The following TSNARE1 variants were observed in gnomAD, a reference collection of about 807,000 sequenced individuals.
The protein encoded by TSNARE1 is t-SNARE domain containing 1, also known as t-SNARE domain-containing protein 1.
TSNARE1 carries 49 observed loss-of-function variants against 62.0 expected under a neutral mutation model. That is an observed-to-expected ratio of 0.79 (90% confidence interval 0.63 to 1.00). The LOEUF (loss-of-function observed/expected upper bound fraction) is 1.00. Ranked by LOEUF, TSNARE1 falls within the 50% of genes least tolerant of loss-of-function variation. The probability of loss-of-function intolerance (pLI) is 0.00; values close to 1 mark genes in which losing one functional copy is unlikely to be tolerated. For missense variants in TSNARE1, 755 were observed against 700.1 expected (o/e 1.08, Z -0.88); for synonymous variants, 328 against 294.4 (o/e 1.11, Z -1.17).
chr8:142,351,895 C>T (rs1267811843), intron 2 of TSNARE1, among the ~76,000 whole-genome samples: 2 of 152,326 alleles, frequency 1.3e-5, no homozygotes, highest in East Asian at 3.9e-4. Context: ...TCCACACTCA[C>T]CCCACCTCAC....
chr8:142,376,267 CCT>C (rs1313531006), intron 1 of TSNARE1, among the ~76,000 whole-genome samples: 10 of 152,296 alleles, frequency 6.6e-5, no homozygotes, highest in South Asian at 2.1e-4. Flanking sequence ...CCTGTTTTCC[CCT>C]GAGGGGAACT....
At chr8:142,286,791 G>A (rs1376647070) in intron 10 of TSNARE1, among the ~76,000 whole-genome samples, 1 of 152,170 alleles carries the variant, frequency 6.6e-6, no homozygotes, top group Non-Finnish European at 1.5e-5. Flanking sequence ...AGCCAGGCAT[G>A]ACCTCACCAC....
chr8:142,370,293 G>A (rs1835831331), intron 1 of TSNARE1, among the ~76,000 whole-genome samples: 1 of 152,346 alleles, frequency 6.6e-6, no homozygotes, highest in African/African-American at 2.4e-5. Context: ...GAGAGGCCAG[G>A]TATGGTGGCT....
intron 10 of TSNARE1, among the ~76,000 whole-genome samples, chr8:142,299,202 G>A (rs550749852): frequency 6.6e-6 from 1 of 152,342 alleles, no homozygotes; most frequent in African/African-American, 2.4e-5. Context: ...CAGAGGCAGG[G>A]AGGTGGGGGC....
intron 13 of TSNARE1, among the ~76,000 whole-genome samples, chr8:142,227,404 G>C (rs1013932036): frequency 3.3e-4 from 22 of 65,808 alleles, no homozygotes; most frequent in African/African-American, 7.6e-4. Flanking sequence ...CCCAGTGACA[G>C]CCAGGAGCCC....
At position 142,263,071 on chromosome 8, in the gene TSNARE1, G is replaced by A. The variant is rs554953370; in HGVS notation, c.1446+11710C>T. Among the ~76,000 whole-genome samples the A allele has an allele frequency of 3.4e-4, 51 of 152,188 alleles. 1 individual carries two copies. Among genetic ancestry groups the A allele is most frequent in the South Asian group, 1.9e-3 (9 of 4,818 alleles). ...ATATGATTGGGTGTCCTTTCTAACT[G>A]AGCCCAGCTAGCACCCTCGACTTTC... On this transcript the variant is annotated intron_variant, in intron 12 of 13. Coordinates refer to ENST00000524325, the MANE Select transcript of TSNARE1 (RefSeq NM_145003.5).
rs750274337 is a variant in TSNARE1, at chr8:142,354,719, T to C, written c.6A>G (p.Ser2=). 2 of 1,613,104 alleles carry C rather than the reference T, an allele frequency of 1.2e-6. No homozygotes were observed. The highest frequency in any genetic ancestry group is 8.5e-7 in the Non-Finnish European group (1 of 1,179,612). ...CACCTCCACGGGCGATGGATCCGTA[T>C]GACATCTTCTTACAGATGGCAGGGC... M[S]YGSIARGGGL... The change falls in exon 2 of 14, where the codon TCA becomes TCG. Residue 2 remains serine (S), a synonymous_variant. Transcript: ENST00000524325.
intron 12 of TSNARE1, among the ~76,000 whole-genome samples, chr8:142,256,244 CCA>C (rs1818538869): frequency 7.9e-6 from 1 of 126,586 alleles, no homozygotes; most frequent in East Asian, 2.5e-4. Context: ...ACCACCATCA[CCA>C]TCACCATCAT....
intron 10 of TSNARE1, among the ~76,000 whole-genome samples, chr8:142,293,123 C>T (rs180946479): frequency 2.0e-4 from 31 of 152,296 alleles, no homozygotes; most frequent in Admixed American, 4.6e-4. Context: ...ACCCCTCCCT[C>T]GAGCAGCCGC....
chr8:142,323,780 C>T (rs555815192), intron 6 of TSNARE1, among the ~76,000 whole-genome samples: 2 of 152,326 alleles, frequency 1.3e-5, no homozygotes, highest in African/African-American at 4.8e-5. Context: ...GAGGCAGTTG[C>T]CACAACAACA....
chr8:142,361,400 G>C (rs772740133), intron 1 of TSNARE1, among the ~76,000 whole-genome samples: 1 of 152,154 alleles, frequency 6.6e-6, no homozygotes, highest in Non-Finnish European at 1.5e-5. Flanking sequence ...CGGGCTCCTC[G>C]GGCGAGCCCA....
upstream of TSNARE1, chr8:142,405,899 C>G (rs1413411376): frequency 6.6e-6 from 1 of 152,452 alleles, no homozygotes; most frequent in Non-Finnish European, 1.5e-5. Flanking sequence ...GCCGCCCTCA[C>G]TATTACCCAG....
intron 1 of TSNARE1, among the ~76,000 whole-genome samples, chr8:142,362,380 C>T (rs796516599): frequency 6.6e-6 from 1 of 152,306 alleles, no homozygotes; most frequent in African/African-American, 2.4e-5. Flanking sequence ...TGGACATTAT[C>T]GGCCTCTTTA....
intron 10 of TSNARE1, among the ~76,000 whole-genome samples, chr8:142,294,829 C>T (rs114660416): frequency 0.02 from 3,000 of 152,340 alleles, 75 homozygotes; most frequent in African/African-American, 0.055. Flanking sequence ...TGCCAGGGCT[C>T]GCACTGCTGC....
chr8:142,360,230 G>A (rs1178548662), intron 1 of TSNARE1, among the ~76,000 whole-genome samples: 1 of 152,200 alleles, frequency 6.6e-6, no homozygotes, highest in African/African-American at 2.4e-5. Context: ...GAGGAGGGAG[G>A]GCTGGGCAGG....
At chr8:142,243,827 A>G (rs1817767147) in intron 12 of TSNARE1, among the ~76,000 whole-genome samples, 1 of 152,262 alleles carries the variant, frequency 6.6e-6, no homozygotes. Context: ...CCACAATAAT[A>G]CATATGTCAA....
intron 12 of TSNARE1, among the ~76,000 whole-genome samples, chr8:142,241,684 C>T (rs1434248359): frequency 6.6e-6 from 1 of 152,162 alleles, no homozygotes; most frequent in Non-Finnish European, 1.5e-5. Flanking sequence ...GAAGAGAAGG[C>T]CCAGAAACAA....
intron 1 of TSNARE1, chr8:142,365,911 C>T (rs752303749): frequency 2.2e-6 from 1 of 453,072 alleles, no homozygotes; most frequent in South Asian, 1.6e-5. Flanking sequence ...AGAGACCTAC[C>T]ATGTTCATGG....
intron 12 of TSNARE1, among the ~76,000 whole-genome samples, chr8:142,237,854 C>T (rs758049671): frequency 5.9e-4 from 90 of 152,170 alleles, no homozygotes; most frequent in African/African-American, 9.2e-4. Context: ...CCACCAGCCC[C>T]GCAGGGTGGC....
Sources: allele counts gnomAD v4.1 joint callset (sites outside exome capture counted in the v4.1 genomes callset), GRCh38; gene constraint gnomAD v4.1.1; transcripts MANE v1.5; gene names NCBI Gene and HGNC (gene_info 2026-07-23, HGNC 2026-07-21).